ADGRL2: variants seen among roughly 807,000 people sequenced by gnomAD.
ADGRL2 encodes the protein adhesion G protein-coupled receptor L2.
ADGRL2 carries 44 observed loss-of-function variants against 157.4 expected under a neutral mutation model. That is an observed-to-expected ratio of 0.28 (90% CI 0.22 to 0.36). The LOEUF (loss-of-function observed/expected upper bound fraction) is 0.36, where lower values mean the gene tolerates loss of function less well. Ranked by LOEUF, ADGRL2 falls within the 10% of genes least tolerant of loss-of-function variation. The pLI is 1.00. For synonymous variants in ADGRL2, 585 were observed against 624.7 expected (o/e 0.94, Z 0.95); for missense variants, 1,510 against 1,768.9 (o/e 0.85, Z 2.63).
intron 2 of ADGRL2, chr1:81,502,792 T>A: frequency 6.2e-7 from 1 of 1,612,994 alleles, no homozygotes; most frequent in Non-Finnish European, 8.5e-7. Context: ...CTCCTCCCTC[T>A]TTGGCTACTC....
chr1:81,607,655 C>T (rs1231974591), intron 3 of ADGRL2, among the ~76,000 whole-genome samples: 1 of 152,106 alleles, frequency 6.6e-6, no homozygotes, highest in African/African-American at 2.4e-5. Flanking sequence ...TTCGTATATC[C>T]CTTGTACTGT....
intron 1 of ADGRL2, among the ~76,000 whole-genome samples, chr1:81,728,329 A>G (rs966646361): frequency 8.5e-5 from 13 of 152,192 alleles, no homozygotes. Context: ...TGGGAATCAT[A>G]TTTCGGTCCA....
intron 6 of ADGRL2, among the ~76,000 whole-genome samples, chr1:81,946,768 T>G (rs1417904001): frequency 6.6e-6 from 1 of 152,136 alleles, no homozygotes; most frequent in Non-Finnish European, 1.5e-5. Flanking sequence ...TGATCAGTGT[T>G]TTTAGACAGT....
intron 17 of ADGRL2, among the ~76,000 whole-genome samples, chr1:81,975,985 A>G: frequency 6.6e-6 from 1 of 152,046 alleles, no homozygotes; most frequent in East Asian, 1.9e-4. Context: ...ATCAAACTAA[A>G]ATTTAGCATT....
intron 1 of ADGRL2, among the ~76,000 whole-genome samples, chr1:81,402,666 C>T (rs1403153029): frequency 1.3e-5 from 2 of 152,174 alleles, no homozygotes; most frequent in African/African-American, 2.4e-5. Flanking sequence ...TTAAGTTGAC[C>T]TTGTTTTTCC....
Position 81,589,275 on chromosome 1 carries a change from A to G in ADGRL2, c.-143+8295A>G, listed in dbSNP as rs570328933. Reference sequence around the variant, plus strand: ...GTCCAATTAACATGATTTTATCCATATGGTCCACAAAGATGATGCCCTGTA... The same window carrying G: ...GTCCAATTAACATGATTTTATCCATGTGGTCCACAAAGATGATGCCCTGTA... On this transcript the variant is annotated intron_variant, in intron 3 of 24. Transcript: ENST00000370721. Among the ~76,000 whole-genome samples the G allele has an allele frequency of 1.3e-4, 20 of 152,244 alleles. 1 individual carries two copies. Among genetic ancestry groups the G allele is most frequent in the Admixed American group, 5.9e-4 (9 of 15,282 alleles).
intron 3 of ADGRL2, among the ~76,000 whole-genome samples, chr1:81,682,380 G>C (rs1302865417): frequency 6.6e-6 from 1 of 152,004 alleles, no homozygotes; most frequent in Non-Finnish European, 1.5e-5. Context: ...TTTTTCATTT[G>C]TTTAGGAACT....
At chr1:81,946,674 AAG>A (rs1212483286) in intron 6 of ADGRL2, among the ~76,000 whole-genome samples, 10 of 152,248 alleles carry the variant, frequency 6.6e-5, no homozygotes, top group African/African-American at 2.4e-4. Flanking sequence ...AATTTTTATA[AAG>A]AGAGCCATTT....
intron 1 of ADGRL2, among the ~76,000 whole-genome samples, chr1:81,419,648 C>T (rs1254852294): frequency 1.3e-5 from 2 of 152,176 alleles, no homozygotes; most frequent in African/African-American, 4.8e-5. Context: ...ACAGTATTTT[C>T]AAATGATGCA....
At chr1:81,654,461 C>CTCAT (rs1395435167) in intron 3 of ADGRL2, among the ~76,000 whole-genome samples, 1 of 152,166 alleles carries the variant, frequency 6.6e-6, no homozygotes. Flanking sequence ...TTGGTCTCCA[C>CTCAT]TCATTCACTC....
intron 1 of ADGRL2, among the ~76,000 whole-genome samples, chr1:81,422,245 A>G (rs1016352705): frequency 6.6e-6 from 1 of 152,104 alleles, no homozygotes; most frequent in Non-Finnish European, 1.5e-5. Context: ...ATTTTATCAT[A>G]CAAACAATTT....
intron 1 of ADGRL2, among the ~76,000 whole-genome samples, chr1:81,408,442 G>T (rs562495207): frequency 6.6e-6 from 1 of 152,096 alleles, no homozygotes; most frequent in African/African-American, 2.4e-5. Flanking sequence ...TTTTGTGTCT[G>T]AGGAAAATAC....
intron 1 of ADGRL2, among the ~76,000 whole-genome samples, chr1:81,817,133 G>C (rs2090489079): frequency 1.3e-5 from 2 of 151,688 alleles, no homozygotes; most frequent in African/African-American, 2.4e-5. Flanking sequence ...TCCAGTGTCT[G>C]TTTTTCTATT....
intron 3 of ADGRL2, among the ~76,000 whole-genome samples, chr1:81,931,984 G>T (rs904794890): frequency 2.6e-5 from 4 of 152,082 alleles, no homozygotes; most frequent in Non-Finnish European, 5.9e-5. Context: ...TTATGCCTCT[G>T]AGTTCTCTCT....
rs1294508320 is a variant in ADGRL2, at chr1:81,557,371, A to G, written c.-247-23505A>G. The G allele has an allele frequency of 2.9e-5, 5 of 175,048 alleles. No homozygotes were observed. The East Asian group carries it at 6.9e-4, about 24-fold the overall frequency. The allele number at this position is 175,048 out of a possible 1,614,324, so 10.8% of individuals were successfully genotyped here. A position where few individuals can be genotyped will look rare whatever the true frequency, so the allele number is the denominator to read the frequency against. ...AATAACTGCAATATTTTTTGTAAGA[A>G]AAAGCATTCTGGTGACAGAGCAAGA... On this transcript the variant is annotated intron_variant, in intron 2 of 24. Coordinates refer to the ADGRL2 transcript ENST00000370721.
intron 17 of ADGRL2, among the ~76,000 whole-genome samples, chr1:81,978,410 T>C (rs745415496): frequency 1.3e-5 from 2 of 151,834 alleles, no homozygotes; most frequent in Non-Finnish European, 3.0e-5. Context: ...TAGATGTATT[T>C]TAAGACATTA....
rs529064870 is a variant in ADGRL2 at position 81,569,820 on chromosome 1, T to G, written c.-247-11056T>G. On this transcript the variant is annotated intron_variant, in intron 2 of 24. Transcript: ENST00000370721. ...GCCAGACCTTGTCTCTAAAAACAAATTTAATTTAAAATTAAAAATTAAACC... is the reference window on the plus strand; with the variant it reads ...GCCAGACCTTGTCTCTAAAAACAAAGTTAATTTAAAATTAAAAATTAAACC... 2.6e-5 allele frequency among the ~76,000 whole-genome samples: 4 copies of G among 152,162 alleles called. No individual in the cohort carries two copies. In the East Asian group the frequency reaches 7.7e-4, roughly 29 times the overall value.
intron 18 of ADGRL2, 28 bp from the exon 19 acceptor site, chr1:81,981,780 G>T: frequency 6.3e-7 from 1 of 1,591,992 alleles, no homozygotes. Context: ...CATTGAACCT[G>T]TTAAAAAAGT....
intron 2 of ADGRL2, among the ~76,000 whole-genome samples, chr1:81,855,808 T>G (rs2093183069): frequency 6.6e-6 from 1 of 152,150 alleles, no homozygotes; most frequent in South Asian, 2.1e-4. Context: ...AAAATAAGAT[T>G]GTTGGAGTAA....
Sources: gnomAD v4.1 joint callset for allele counts (sites outside exome capture counted in the v4.1 genomes callset) on GRCh38, gnomAD v4.1.1 for gene constraint, MANE v1.5 for transcripts, NCBI Gene and HGNC (gene_info 2026-07-23, HGNC 2026-07-21) for gene names.